The following ACSL3 variants were observed in gnomAD, a reference collection of about 807,000 sequenced individuals.
ACSL3 encodes the protein fatty acid CoA ligase Acsl3.
In ACSL3, 34 loss-of-function variants were observed where a neutral mutation model predicts 84.7. That is an observed-to-expected ratio of 0.40 (90% CI 0.31 to 0.53). The LOEUF is 0.53. ACSL3 is among the 20% of genes least tolerant of loss of function. The pLI, the probability that ACSL3 is intolerant of heterozygous loss-of-function variation, is 0.48. For missense variants in ACSL3, 680 were observed against 873.1 expected, an observed-to-expected ratio of 0.78 and a Z score of 2.79; for synonymous variants, 315 against 299.4, an observed-to-expected ratio of 1.05 and a Z score of -0.54.
At chr2:222,910,481 CAACTATGGAATGAAA>C (rs1400026839) in intron 4 of ACSL3, among the ~76,000 whole-genome samples, 1 of 152,082 alleles carries the variant, frequency 6.6e-6, no homozygotes, top group African/African-American at 2.4e-5. Flanking sequence ...CAAATAACTG[CAACTATGGAATGAAA>C]AACTCAGAGC....
intron 13 of ACSL3, among the ~76,000 whole-genome samples, chr2:222,929,304 C>T (rs201161907): frequency 3.3e-5 from 5 of 151,604 alleles, no homozygotes; most frequent in Non-Finnish European, 5.9e-5. Context: ...TGATTTTTTT[C>T]TTTTTTTTTC....
chr2:222,927,953 C>T (rs1172052555), intron 12 of ACSL3, among the ~76,000 whole-genome samples: 2 of 152,082 alleles, frequency 1.3e-5, no homozygotes, highest in Non-Finnish European at 2.9e-5. Context: ...AGTTCTAAGT[C>T]ATGTTTTGTA....
intron 3 of ACSL3, among the ~76,000 whole-genome samples, chr2:222,902,966 A>C (rs906203828): frequency 7.2e-5 from 11 of 151,944 alleles, no homozygotes; most frequent in African/African-American, 2.7e-4. Context: ...TTCACCGGGG[A>C]CTCTACCCTA....
rs779958934 is a variant in ACSL3, at chr2:222,933,248, A to G, written c.1815A>G (p.Pro605=). ...TAGAGGCAGCTTTGAAGAATCTTCC[A>G]CTAGTAGATAACATTTGTGCATATG... The part of the protein sequence containing the change: ...GKVEAALKNL[P]LVDNICAYAN... The change falls in exon 15 of 17, where the codon CCA becomes CCG. Residue 605 remains proline, a synonymous_variant. Transcript: ENST00000357430. 6 of 1,613,518 alleles carry G rather than the reference A, an allele frequency of 3.7e-6. No homozygotes were observed. The highest frequency in any genetic ancestry group is 2.2e-5 in the East Asian group (1 of 44,846).
intron 3 of ACSL3, among the ~76,000 whole-genome samples, chr2:222,901,721 C>T (rs536097881): frequency 4.0e-4 from 60 of 150,856 alleles, no homozygotes; most frequent in Non-Finnish European, 2.5e-4. Flanking sequence ...CCAAGGTGGG[C>T]GGATCACAAG....
intron 3 of ACSL3, among the ~76,000 whole-genome samples, chr2:222,905,292 C>T (rs1696263357): frequency 6.6e-6 from 1 of 152,114 alleles, no homozygotes; most frequent in African/African-American, 2.4e-5. Flanking sequence ...TCCCGAGTAG[C>T]AGGGACTACA....
rs1246846414 is a variant in ACSL3 at position 222,944,061 on chromosome 2, C to G, written c.*2407C>G. 1.3e-5 allele frequency: 2 copies of G among 152,066 alleles called. No individual in the cohort carries two copies. The highest frequency in any genetic ancestry group is 4.8e-5 in the African/African-American group (2 of 41,410). The allele number at this position is 152,066 out of a possible 1,614,324, so 9.4% of individuals were successfully genotyped here. On this transcript the variant is annotated 3_prime_UTR_variant, in exon 17 of 17. Coordinates refer to ENST00000357430, the MANE Select transcript of ACSL3 (RefSeq NM_004457.5). ...CTGGTGGCCACCTCCATTTATTTCC[C>G]CACTGCTCCTCCACTGACATCCTTC... is the stretch of plus-strand genomic sequence containing the variant.
chr2:222,923,073 T>C lies in ACSL3; in HGVS notation c.1081-5T>C. On this transcript the variant is annotated splice_region_variant and splice_polypyrimidine_tract_variant and intron_variant, in intron 9 of 16. Coordinates refer to ENST00000357430, the MANE Select transcript of ACSL3 (RefSeq NM_004457.5). ...TTATATGGATCACTTTTTCTTATTT[T>C]GTAGTCTTCAAAAATTAAAAAAGGA... 1.2e-6 allele frequency: 2 copies of C among 1,610,578 alleles called. No homozygotes were observed. Among genetic ancestry groups the C allele is most frequent in the Non-Finnish European group, 1.7e-6 (2 of 1,176,856 alleles).
intron 14 of ACSL3, among the ~76,000 whole-genome samples, chr2:222,932,295 C>A (rs1236406675): frequency 6.6e-6 from 1 of 152,194 alleles, no homozygotes; most frequent in Admixed American, 6.5e-5. Flanking sequence ...TGAAGCCCTG[C>A]TAATGGAGTC....
At position 222,908,896 on chromosome 2, in the gene ACSL3, T is replaced by C; in HGVS notation, c.124T>C (p.Tyr42His). 1 of 1,611,954 alleles carries C rather than the reference T, an allele frequency of 6.2e-7. No individual in the cohort carries two copies. Among genetic ancestry groups the C allele is most frequent in the South Asian group, 1.1e-5 (1 of 90,338 alleles). ...LYTILTYIPF[Y>H]FFSESRQEKS... ...TACTATTTTAACATACATTCCGTTTTATTTTTTCTCCGAGTCAAGACAAGA... is the reference window on the plus strand; with the variant it reads ...TACTATTTTAACATACATTCCGTTTCATTTTTTCTCCGAGTCAAGACAAGA... The change falls in exon 4 of 17, where the codon TAT (tyrosine) becomes CAT (histidine). Residue 42 changes from tyrosine (Y) to histidine (H), a missense_variant. Tyr to His is a moderately conservative substitution (Grantham distance 83, BLOSUM62 2). Coordinates refer to ENST00000357430, the MANE Select transcript of ACSL3 (RefSeq NM_004457.5).
intron 3 of ACSL3, among the ~76,000 whole-genome samples, chr2:222,902,017 G>A (rs1490902653): frequency 6.7e-6 from 1 of 149,326 alleles, no homozygotes; most frequent in East Asian, 2.0e-4. Context: ...AACCTCAGTG[G>A]TAAACACAAT....
At chr2:222,868,901 T>A (rs1574513354) in intron 1 of ACSL3, among the ~76,000 whole-genome samples, 1 of 149,304 alleles carries the variant, frequency 6.7e-6, no homozygotes, top group Non-Finnish European at 1.5e-5. Context: ...ACCTGGGAAG[T>A]GGAGGTTGCA....
chr2:222,918,152 G>T lies in ACSL3; in HGVS notation c.663G>T (p.Leu221Phe). 1 of 1,598,502 alleles carries T rather than the reference G, an allele frequency of 6.3e-7. No homozygotes were observed. The highest frequency in any genetic ancestry group is 1.7e-5 in the Admixed American group (1 of 59,624). ...GTAAAGAACTCTTACAAACAAAGTT[G>T]AAGGTGAGGACTCTAGTTACTTTCT... ...ITSKELLQTK[L>F]KDIVSLVPRL... Residue 221 changes from leucine to phenylalanine, a missense_variant, in exon 6 of 17, where the codon TTG becomes TTT. Leu to Phe is a conservative substitution (Grantham distance 22). Transcript: ENST00000357430.
intron 12 of ACSL3, among the ~76,000 whole-genome samples, chr2:222,928,610 A>C (rs1000919068): frequency 1.7e-4 from 26 of 151,744 alleles, no homozygotes; most frequent in African/African-American, 6.1e-4. Context: ...CCACACTTAC[A>C]TCTAAAATTT....
intron 1 of ACSL3, among the ~76,000 whole-genome samples, chr2:222,881,487 G>C (rs1695590060): frequency 6.6e-6 from 1 of 152,190 alleles, no homozygotes; most frequent in African/African-American, 2.4e-5. Context: ...TGAATAAGAT[G>C]TTCCTTTAAA....
Position 222,889,891 on chromosome 2 carries a change from G to A in ACSL3, c.-148+2003G>A, listed in dbSNP as rs1695803834. Among the ~76,000 whole-genome samples the A allele has an allele frequency of 2.0e-5, 3 of 152,214 alleles. No individual in the cohort carries two copies. The South Asian group carries it at 6.2e-4, about 31-fold the overall frequency. ...AGAGGGAAGACAACTGGTGATCTTA[G>A]TTGCTTTGATTTTGAAATATGTTGT... is the stretch of plus-strand genomic sequence containing the variant. On this transcript the variant is annotated intron_variant, in intron 2 of 16. Coordinates refer to ENST00000357430, the MANE Select transcript of ACSL3 (RefSeq NM_004457.5).
intron 1 of ACSL3, among the ~76,000 whole-genome samples, chr2:222,877,589 G>T (rs1472577002): frequency 6.6e-6 from 1 of 152,220 alleles, no homozygotes; most frequent in Non-Finnish European, 1.5e-5. Flanking sequence ...GTTCAGAAAT[G>T]ATTTTGTAGG....
At chr2:222,934,093 G>T (rs1553600382) in intron 15 of ACSL3, among the ~76,000 whole-genome samples, 1 of 151,364 alleles carries the variant, frequency 6.6e-6, no homozygotes, top group Non-Finnish European at 1.5e-5. Flanking sequence ...GATAACAAAA[G>T]AAAAAAAAGA....
At chr2:222,931,206 T>C (rs1237477620) in intron 14 of ACSL3, among the ~76,000 whole-genome samples, 1 of 152,160 alleles carries the variant, frequency 6.6e-6, no homozygotes, top group Admixed American at 6.5e-5. Flanking sequence ...AAAAATACCT[T>C]ATTCTGCTTC....
Sources: gnomAD v4.1 joint callset for allele counts (sites outside exome capture counted in the v4.1 genomes callset) on GRCh38, gnomAD v4.1.1 for gene constraint, MANE v1.5 for transcripts, NCBI Gene and HGNC (gene_info 2026-07-23, HGNC 2026-07-21) for gene names.